Variants in CCDC170 observed in about 807,000 individuals in gnomAD.
The protein encoded by CCDC170 is coiled-coil domain-containing protein 170.
Under a neutral mutation model 72.6 loss-of-function variants are expected in CCDC170, and 69 were observed. That is an observed-to-expected ratio of 0.95 (90% confidence interval 0.78 to 1.16). The LOEUF (loss-of-function observed/expected upper bound fraction) is 1.16. Among genes scored for constraint, CCDC170 ranks in the 50% most tolerant of loss-of-function variants. The probability of loss-of-function intolerance (pLI) is 0.00; values close to 1 mark genes in which losing one functional copy is unlikely to be tolerated. For missense variants in CCDC170, 852 were observed against 832.5 expected, an observed-to-expected ratio of 1.02 and a Z score of -0.29; for synonymous variants, 300 against 303.9, an observed-to-expected ratio of 0.99 and a Z score of 0.13.
intron 1 of CCDC170, among the ~76,000 whole-genome samples, chr6:151,534,908 T>G (rs938846401): frequency 1.3e-5 from 2 of 152,256 alleles, no homozygotes; most frequent in Non-Finnish European, 2.9e-5. Context: ...TCCTCCTTTA[T>G]GTGACCTCTT....
chr6:151,533,704 C>T (rs1427115529), intron 1 of CCDC170, among the ~76,000 whole-genome samples: 1 of 151,710 alleles, frequency 6.6e-6, no homozygotes, highest in African/African-American at 2.4e-5. Flanking sequence ...CTTTAGGGAA[C>T]TCTTTCCTTC....
At chr6:151,543,484 T>C (rs1339601593) in intron 3 of CCDC170, among the ~76,000 whole-genome samples, 1 of 152,182 alleles carries the variant, frequency 6.6e-6, no homozygotes, top group Non-Finnish European at 1.5e-5. Flanking sequence ...GCTAGCTATT[T>C]GGAAACTAAA....
intron 3 of CCDC170, among the ~76,000 whole-genome samples, chr6:151,541,170 T>A (rs923344550): frequency 3.9e-5 from 6 of 152,160 alleles, no homozygotes; most frequent in Non-Finnish European, 8.8e-5. Flanking sequence ...GCTGCCTCCA[T>A]TTCCTTTAAG....
intron 1 of CCDC170, among the ~76,000 whole-genome samples, chr6:151,506,765 CTGAAAG>C (rs1273084416): frequency 6.6e-6 from 1 of 152,134 alleles, no homozygotes; most frequent in Admixed American, 6.6e-5. Flanking sequence ...AATCAATAGA[CTGAAAG>C]TAAAGTAGAT....
intron 7 of CCDC170, among the ~76,000 whole-genome samples, chr6:151,591,540 G>C (rs1776534812): frequency 1.3e-5 from 2 of 151,942 alleles, no homozygotes; most frequent in Admixed American, 6.6e-5. Flanking sequence ...TGTCGCCCAG[G>C]CTGGAGTGCG....
rs780370805 is a variant in CCDC170 at position 151,509,030 on chromosome 6, A to T, written c.57+14845A>T. The stretch of plus-strand genomic sequence containing the variant: ...AACTCCTTCTCAAAAAAAAAAAAAA[A>T]AAATACAAAAATAAATATTACATCT... On this transcript the variant is annotated intron_variant, in intron 1 of 10. Coordinates refer to ENST00000239374, the MANE Select transcript of CCDC170 (RefSeq NM_025059.4). Among the ~76,000 whole-genome samples, 1,508 of 151,884 alleles carry T rather than the reference A, an allele frequency of 9.9e-3. 13 individuals are homozygous for T. Among genetic ancestry groups the T allele is most frequent in the Non-Finnish European group, 0.015 (1,043 of 67,956 alleles).
chr6:151,571,924 C>T (rs1776224805), intron 5 of CCDC170, among the ~76,000 whole-genome samples: 1 of 152,216 alleles, frequency 6.6e-6, no homozygotes, highest in African/African-American at 2.4e-5. Context: ...GATGCAATTA[C>T]TGCTCACTGT....
intron 5 of CCDC170, among the ~76,000 whole-genome samples, chr6:151,572,186 A>G (rs578236005): frequency 1.3e-5 from 2 of 152,154 alleles, no homozygotes; most frequent in Middle Eastern, 3.2e-3. Context: ...TCTTCTAAGT[A>G]TGATACTTTC....
intron 6 of CCDC170, among the ~76,000 whole-genome samples, chr6:151,582,282 ACAT>A (rs1482482426): frequency 6.6e-6 from 1 of 152,242 alleles, no homozygotes; most frequent in African/African-American, 2.4e-5. Context: ...CCCAGCTTCT[ACAT>A]CAGCACTTAC....
intron 1 of CCDC170, among the ~76,000 whole-genome samples, chr6:151,528,236 T>TA (rs1267098150): frequency 2.0e-5 from 3 of 152,198 alleles, no homozygotes; most frequent in Non-Finnish European, 4.4e-5. Flanking sequence ...GATGAGTTTT[T>TA]ATTTAATCTT....
At chr6:151,575,381 C>A (rs1040791446) in intron 6 of CCDC170, among the ~76,000 whole-genome samples, 2 of 146,890 alleles carry the variant, frequency 1.4e-5, no homozygotes, top group Non-Finnish European at 1.5e-5. Context: ...TGCAGTGAGC[C>A]GAGATCGTGC....
intron 5 of CCDC170, among the ~76,000 whole-genome samples, chr6:151,549,927 G>A (rs1254700783): frequency 6.6e-6 from 1 of 151,874 alleles, no homozygotes; most frequent in Non-Finnish European, 1.5e-5. Flanking sequence ...TTCTTCATGT[G>A]GGAGGATATA....
intron 6 of CCDC170, among the ~76,000 whole-genome samples, chr6:151,577,192 TC>T (rs1336194542): frequency 6.6e-6 from 1 of 152,188 alleles, no homozygotes; most frequent in East Asian, 1.9e-4. Context: ...TGGGGGCCAG[TC>T]CTGTGCATTG....
At chr6:151,513,919 C>CAAAAAAAAAAA (rs58387477) in intron 1 of CCDC170, among the ~76,000 whole-genome samples, 2 of 51,180 alleles carry the variant, frequency 3.9e-5, no homozygotes, top group Non-Finnish European at 4.1e-5. Flanking sequence ...GACCCTGTCT[C>CAAAAAAAAAAA]AAAAAAAAAA....
At chr6:151,494,708 G>GTA (rs1162824798) in intron 1 of CCDC170, among the ~76,000 whole-genome samples, 7 of 152,148 alleles carry the variant, frequency 4.6e-5, no homozygotes, top group Non-Finnish European at 7.4e-5. Flanking sequence ...GGACTTTCAG[G>GTA]TATTAGATGT....
At chr6:151,591,470 G>A (rs1011919661) in intron 7 of CCDC170, among the ~76,000 whole-genome samples, 1 of 150,204 alleles carries the variant, frequency 6.7e-6, no homozygotes, top group African/African-American at 2.5e-5. Flanking sequence ...TTAGGGGGGA[G>A]GTGTTCATTT....
chr6:151,544,929 C>G (rs1157706451), intron 4 of CCDC170, among the ~76,000 whole-genome samples: 1 of 152,104 alleles, frequency 6.6e-6, no homozygotes, highest in Non-Finnish European at 1.5e-5. Context: ...ATTAATTATT[C>G]TCCAAAAGAG....
chr6:151,617,886 G>T, intron 10 of CCDC170, 61 bp from the exon 11 acceptor site: 1 of 1,519,440 alleles, frequency 6.6e-7, no homozygotes, highest in Non-Finnish European at 9.0e-7. Context: ...GTTGCATTTG[G>T]CTCAGCAGTA....
rs1198652028 is a variant in CCDC170, at chr6:151,538,075, AAAGAAGTCTCCTGTC to A, written c.223_237del (p.Val75_Glu79del). On this transcript the variant is annotated inframe_deletion, in exon 3 of 11. Transcript: ENST00000239374. Reference sequence around the variant, plus strand: ...AGACCTCCGATCCAAGATGCTTTCTAAAGAAGTCTCCTGTCAAGAACTGAAAGCTGAAATGGAGAG... The same window carrying A: ...AGACCTCCGATCCAAGATGCTTTCTAAAGAACTGAAAGCTGAAATGGAGAG... 7 of 1,613,410 alleles carry A rather than the reference AAAGAAGTCTCCTGTC, an allele frequency of 4.3e-6. No homozygotes were observed. The highest frequency in any genetic ancestry group is 3.3e-4 in the Middle Eastern group (2 of 6,058).
Sources: gnomAD v4.1 joint callset for allele counts (sites outside exome capture counted in the v4.1 genomes callset) on GRCh38, gnomAD v4.1.1 for gene constraint, MANE v1.5 for transcripts, NCBI Gene and HGNC (gene_info 2026-07-23, HGNC 2026-07-21) for gene names.